E2F2: variants seen among roughly 807,000 people sequenced by gnomAD.
E2F2 encodes the protein transcription factor E2F2.
In E2F2, 22 loss-of-function variants were observed where a neutral mutation model predicts 42.2. The ratio of observed to expected loss-of-function variants is 0.52; its 90% CI spans 0.37 to 0.74. The LOEUF (loss-of-function observed/expected upper bound fraction) is 0.74. E2F2 is among the 30% of genes least tolerant of loss of function. The probability of loss-of-function intolerance (pLI) is 0.00; values close to 1 mark genes in which losing one functional copy is unlikely to be tolerated. For missense variants in E2F2, 481 were observed against 557.8 expected (o/e 0.86, Z 1.39); for synonymous variants, 248 against 251.6 (o/e 0.99, Z 0.13).
At chr1:23,520,273 A>G (rs1450254855) in intron 4 of E2F2, among the ~76,000 whole-genome samples, 1 of 147,016 alleles carries the variant, frequency 6.8e-6, no homozygotes, top group East Asian at 2.0e-4. Context: ...AAAAAAAAAA[A>G]AAAAGCTATG....
In E2F2 at chr1:23,530,927, G is replaced by A. The variant is rs1643331310; in HGVS notation, c.-134C>T. 1 of 1,191,180 alleles carries A rather than the reference G, an allele frequency of 8.4e-7. No individual in the cohort carries two copies. The highest frequency in any genetic ancestry group is 1.1e-6 in the Non-Finnish European group (1 of 893,430). 73.8% of individuals were successfully genotyped at this position (1,191,180 alleles called of 1,614,324 possible). On this transcript the variant is annotated 5_prime_UTR_variant, in exon 1 of 7. Transcript: ENST00000361729. This position sits in a 1 kb window ranked among gnomAD's most constrained non-coding sequence, Gnocchi z 4.4. ...GGAAGCCGCCAATGGACGCCTGCGG[G>A]GCAAGGCCGGACCCTCCCCTCCTGG...
At position 23,520,961 on chromosome 1, in the gene E2F2, C is replaced by G; in HGVS notation, c.689G>C (p.Ser230Thr). ...CAGGTGCTTGAAGCTCAGAGAGCAG[C>G]TCTGGATGAGCTGGTCCAAGGCCTG... Reference protein sequence around the residue: ...TEQALDQLIQSCSLSFKHLTE... With the variant: ...TEQALDQLIQTCSLSFKHLTE... The change falls in exon 4 of 7, where the codon AGC (serine) becomes ACC (threonine). Residue 230 changes from serine (S) to threonine (T), a missense_variant. Coordinates refer to ENST00000361729, the MANE Select transcript of E2F2 (RefSeq NM_004091.4). The G allele has an allele frequency of 6.2e-7, 1 of 1,612,520 alleles. No homozygotes were observed. The highest frequency in any genetic ancestry group is 1.3e-5 in the African/African-American group (1 of 74,942).
chr1:23,522,802 C>T (rs1039821465), intron 2 of E2F2, among the ~76,000 whole-genome samples: 11 of 152,108 alleles, frequency 7.2e-5, no homozygotes, highest in Non-Finnish European at 1.0e-4. Context: ...TCTTAAACCA[C>T]GAGGGGACTT....
intron 3 of E2F2, 67 bp from the exon 4 acceptor site, chr1:23,521,138 A>G: frequency 2.7e-6 from 4 of 1,467,198 alleles, no homozygotes; most frequent in Non-Finnish European, 3.6e-6. Flanking sequence ...CATTCAAAAA[A>G]TAGTCTATGA....
Position 23,526,079 on chromosome 1 carries a change from C to G in E2F2, c.253-1591G>C, listed in dbSNP as rs138535971. Among the ~76,000 whole-genome samples the G allele has an allele frequency of 2.6e-5, 4 of 152,160 alleles. No individual in the cohort carries two copies. In the East Asian group the frequency reaches 7.7e-4, roughly 29 times the overall value. Reference sequence around the variant, plus strand: ...GAGCCCTGCTCCTTGGTTTGAGGAGCCTGGATATAACACTCTTGCTTTCCA... The same window carrying G: ...GAGCCCTGCTCCTTGGTTTGAGGAGGCTGGATATAACACTCTTGCTTTCCA... On this transcript the variant is annotated intron_variant, in intron 1 of 6. Coordinates refer to ENST00000361729, the MANE Select transcript of E2F2 (RefSeq NM_004091.4).
At chr1:23,519,969 T>C (rs1558246821) in intron 4 of E2F2, among the ~76,000 whole-genome samples, 1 of 151,646 alleles carries the variant, frequency 6.6e-6, no homozygotes, top group Non-Finnish European at 1.5e-5. Context: ...TCTCAGCTAC[T>C]TGGAAGGCTG....
Position 23,530,854 on chromosome 1 carries a change from C to T in E2F2, c.-61G>A. 1 of 1,415,300 alleles carries T rather than the reference C, an allele frequency of 7.1e-7. No homozygotes were observed. The highest frequency in any genetic ancestry group is 9.2e-7 in the Non-Finnish European group (1 of 1,087,148). The allele number at this position is 1,415,300 out of a possible 1,614,324, so 87.7% of individuals were successfully genotyped here. On this transcript the variant is annotated 5_prime_UTR_variant, in exon 1 of 7. Coordinates refer to ENST00000361729, the MANE Select transcript of E2F2 (RefSeq NM_004091.4). This position sits in a 1 kb window ranked among gnomAD's most constrained non-coding sequence, Gnocchi z 4.4. ...CGCGCCCGCGGACACCTGCGGGTTC[C>T]GGTGCTGCCGCCTTTCACACGGCCC...
At chr1:23,517,628 C>T (rs78051546) in intron 5 of E2F2, among the ~76,000 whole-genome samples, 104 of 152,328 alleles carry the variant, frequency 6.8e-4, no homozygotes, top group African/African-American at 2.4e-3. Context: ...GTGAGTAGAA[C>T]ATTCTCTTGT....
intron 6 of E2F2, among the ~76,000 whole-genome samples, chr1:23,515,378 C>T (rs1159808168): frequency 6.6e-6 from 1 of 152,170 alleles, no homozygotes; most frequent in African/African-American, 2.4e-5. Context: ...CCATACCGTC[C>T]ACCTCCCAGC....
At chr1:23,521,498 C>G (rs1643146601) in intron 3 of E2F2, 1 of 978,088 alleles carries the variant, frequency 1.0e-6, no homozygotes, top group Non-Finnish European at 1.2e-6. Flanking sequence ...GGGGACTGCC[C>G]TAAGCTAGAA....
chr1:23,529,200 A>T (rs1388212187), intron 1 of E2F2, among the ~76,000 whole-genome samples: 2 of 152,162 alleles, frequency 1.3e-5, no homozygotes, highest in Non-Finnish European at 2.9e-5. Flanking sequence ...CTATTTCACG[A>T]ACTACAAAGA....
chr1:23,510,239 C>T, intron 6 of E2F2, 91 bp from the exon 7 acceptor site: 1 of 1,436,428 alleles, frequency 7.0e-7, no homozygotes, highest in Non-Finnish European at 9.1e-7. Context: ...GATGACTGCA[C>T]CCTTCTTCTC....
At chr1:23,519,651 C>T (rs1018118106) in intron 4 of E2F2, among the ~76,000 whole-genome samples, 18 of 152,280 alleles carry the variant, frequency 1.2e-4, no homozygotes, top group Middle Eastern at 3.4e-3. Context: ...GATATTCGGC[C>T]GAACGCGGCG....
At chr1:23,523,898 A>G (rs532575981) in intron 2 of E2F2, among the ~76,000 whole-genome samples, 1 of 152,012 alleles carries the variant, frequency 6.6e-6, no homozygotes, top group South Asian at 2.1e-4. Flanking sequence ...ACATGGTGAA[A>G]CTGTGTCTCT....
downstream of E2F2, among the ~76,000 whole-genome samples, chr1:23,505,903 C>T (rs1182161182): frequency 6.6e-6 from 1 of 152,136 alleles, no homozygotes; most frequent in Non-Finnish European, 1.5e-5. Context: ...TCAAGCGATT[C>T]TCCTGCCTCA....
At chr1:23,510,726 A>G (rs777392859) in intron 6 of E2F2, among the ~76,000 whole-genome samples, 1 of 152,212 alleles carries the variant, frequency 6.6e-6, no homozygotes, top group Admixed American at 6.5e-5. Flanking sequence ...TTCCACTTAC[A>G]TTAGATACTT....
intron 4 of E2F2, 85 bp from the exon 5 acceptor site, chr1:23,519,215 C>T: frequency 1.2e-6 from 1 of 866,704 alleles, no homozygotes; most frequent in Non-Finnish European, 1.9e-6. Context: ...CCCACCTCTC[C>T]TAAGCCTCTG....
intron 6 of E2F2, 89 bp downstream of exon 6, chr1:23,516,246 C>T: frequency 1.4e-6 from 2 of 1,384,528 alleles, no homozygotes; most frequent in Non-Finnish European, 1.9e-6. Flanking sequence ...CTGGATAAAA[C>T]AGGAGGTTTT....
At chr1:23,528,448 C>T (rs1233029282) in intron 1 of E2F2, among the ~76,000 whole-genome samples, 3 of 152,142 alleles carry the variant, frequency 2.0e-5, no homozygotes, top group Admixed American at 1.3e-4. Context: ...GGCTGGGCCC[C>T]GGGCATCTGG....
Sources: gnomAD v4.1 joint callset for allele counts (sites outside exome capture counted in the v4.1 genomes callset) on GRCh38, gnomAD v4.1.1 for gene constraint, Gnocchi (gnomAD v3.1) non-coding constraint, MANE v1.5 for transcripts, NCBI Gene and HGNC (gene_info 2026-07-23, HGNC 2026-07-21) for gene names.